Variants in KIF5C observed in about 807,000 individuals in gnomAD.
The protein encoded by KIF5C is kinesin heavy chain isoform 5C.
In KIF5C, 18 loss-of-function variants were observed where a neutral mutation model predicts 125.2. The ratio of observed to expected loss-of-function variants is 0.14; its 90% CI spans 0.10 to 0.21. The LOEUF (loss-of-function observed/expected upper bound fraction) is 0.21, where lower values mean the gene tolerates loss of function less well. Among genes scored for constraint, KIF5C ranks in the 10% least tolerant of loss-of-function variants. KIF5C has a pLI of 1.00. For synonymous variants in KIF5C, 405 were observed against 434.0 expected, an observed-to-expected ratio of 0.93 and a Z score of 0.83; for missense variants, 780 against 1,183.8, an observed-to-expected ratio of 0.66 and a Z score of 5.01.
chr2:148,943,641 G>A (rs1048707737), intron 7 of KIF5C, among the ~76,000 whole-genome samples: 2 of 152,212 alleles, frequency 1.3e-5, no homozygotes, highest in Non-Finnish European at 2.9e-5. Flanking sequence ...GGCAGATTTC[G>A]ACCCCTGTGA....
intron 17 of KIF5C, 71 bp downstream of exon 17, chr2:148,994,609 CATG>C: frequency 1.3e-6 from 2 of 1,505,128 alleles, no homozygotes; most frequent in Non-Finnish European, 1.8e-6. Flanking sequence ...TGGCTGGAAT[CATG>C]ATGTTTAGTT....
In KIF5C at chr2:148,991,064, A is replaced by C. The variant is rs573212266; in HGVS notation, c.1771A>C (p.Ile591Leu). 1.6e-5 allele frequency: 26 copies of C among 1,613,852 alleles called. No individual in the cohort carries two copies. In the South Asian group the frequency reaches 2.3e-4, roughly 14 times the overall value. ...GGAGTTTACCATGGCCCGCCTGTAC[A>C]TCAGCAAGATGAAGTCAGAGGTCAA... ...EEEFTMARLY[I>L]SKMKSEVKSL... Residue 591 changes from isoleucine to leucine, a missense_variant, in exon 16 of 26, where the codon ATC (isoleucine) becomes CTC (leucine). By Grantham distance (5) the Ile-to-Leu change is conservative (BLOSUM62 2). Transcript: ENST00000435030.
At chr2:148,925,886 C>T (rs527528797) in intron 2 of KIF5C, among the ~76,000 whole-genome samples, 1 of 152,332 alleles carries the variant, frequency 6.6e-6, no homozygotes, top group East Asian at 1.9e-4. Context: ...ATGCCCTTGC[C>T]TGGGCACAGG....
chr2:148,974,517 C>A (rs1466401224), intron 12 of KIF5C, among the ~76,000 whole-genome samples: 4 of 152,188 alleles, frequency 2.6e-5, no homozygotes, highest in African/African-American at 9.7e-5. Flanking sequence ...ATAACCAAAG[C>A]TTTATTCTGG....
intron 14 of KIF5C, among the ~76,000 whole-genome samples, chr2:148,981,952 T>TG (rs1449454983): frequency 6.6e-6 from 1 of 152,242 alleles, no homozygotes; most frequent in Non-Finnish European, 1.5e-5. Flanking sequence ...GACGATCATA[T>TG]GCTGCTTGCA....
In KIF5C at chr2:148,941,678, G is replaced by T. The variant is rs1413654597; in HGVS notation, c.445+20G>T. ...TTGATGGTAAGTAACCTCAGTGCTT[G>T]TCCTTTATTTGTTCTGTAACGAAAG... On this transcript the variant is annotated intron_variant, in intron 5 of 25. Transcript: ENST00000435030. The T allele has an allele frequency of 2.6e-6, 4 of 1,554,744 alleles. No individual in the cohort carries two copies. In the African/African-American group the frequency reaches 4.1e-5, roughly 16 times the overall value.
chr2:148,887,802 A>G (rs181673397), intron 1 of KIF5C, among the ~76,000 whole-genome samples: 1 of 151,632 alleles, frequency 6.6e-6, no homozygotes, highest in African/African-American at 2.4e-5. Flanking sequence ...TTTTCACCCT[A>G]CGCCCCCTTC....
At chr2:148,920,008 A>G (rs1199311638) in intron 1 of KIF5C, among the ~76,000 whole-genome samples, 1 of 152,240 alleles carries the variant, frequency 6.6e-6, no homozygotes, top group Non-Finnish European at 1.5e-5. Flanking sequence ...TAAATGAGGA[A>G]TAGAGATTTC....
At chr2:148,983,287 AC>A (rs1310286473) in intron 14 of KIF5C, among the ~76,000 whole-genome samples, 1 of 152,218 alleles carries the variant, frequency 6.6e-6, no homozygotes, top group Non-Finnish European at 1.5e-5. Flanking sequence ...AACAGATAGG[AC>A]TGACATAGAA....
intron 16 of KIF5C, among the ~76,000 whole-genome samples, chr2:148,993,545 A>G (rs1468742273): frequency 6.6e-6 from 1 of 152,194 alleles, no homozygotes; most frequent in African/African-American, 2.4e-5. Context: ...CTTTGTTTAC[A>G]TTCATCCTCG....
chr2:148,911,309 A>C (rs966035459), intron 1 of KIF5C, among the ~76,000 whole-genome samples: 7 of 152,304 alleles, frequency 4.6e-5, no homozygotes, highest in African/African-American at 1.4e-4. Flanking sequence ...GTGACAGAGG[A>C]AAAGAAGGGG....
intron 11 of KIF5C, among the ~76,000 whole-genome samples, 196 bp downstream of exon 11, chr2:148,962,315 A>G (rs1428089571): frequency 1.2e-4 from 18 of 149,922 alleles, no homozygotes; most frequent in Admixed American, 4.7e-4. Flanking sequence ...ACAGGCGTGC[A>G]CCACCACACC....
intron 11 of KIF5C, among the ~76,000 whole-genome samples, chr2:148,964,558 G>A (rs980832849): frequency 6.6e-6 from 1 of 152,184 alleles, no homozygotes; most frequent in African/African-American, 2.4e-5. Flanking sequence ...GGTAGTCCAC[G>A]CTGCATACCA....
intron 25 of KIF5C, among the ~76,000 whole-genome samples, chr2:149,012,728 G>T (rs957448587): frequency 5.9e-5 from 9 of 152,262 alleles, no homozygotes; most frequent in African/African-American, 1.9e-4. Flanking sequence ...GGAACAGGAG[G>T]GAAGGCGGAG....
intron 1 of KIF5C, among the ~76,000 whole-genome samples, chr2:148,919,309 T>C (rs1257279712): frequency 6.6e-6 from 1 of 151,964 alleles, no homozygotes; most frequent in East Asian, 1.9e-4. Context: ...GCCAGAGAGG[T>C]TGGAGAGAGC....
chr2:148,932,037 A>C (rs937561016), intron 3 of KIF5C, among the ~76,000 whole-genome samples: 1 of 152,002 alleles, frequency 6.6e-6, no homozygotes, highest in African/African-American at 2.4e-5. Flanking sequence ...TATAGATTGG[A>C]GAAAAGGTAG....
intron 1 of KIF5C, chr2:148,884,181 T>C (rs1214385797): frequency 6.6e-6 from 1 of 152,220 alleles, no homozygotes; most frequent in East Asian, 1.9e-4. Flanking sequence ...GTAGGCTGTC[T>C]TTTGTCAGTT....
intron 4 of KIF5C, among the ~76,000 whole-genome samples, chr2:148,941,349 A>G (rs1047438578): frequency 6.6e-6 from 1 of 152,224 alleles, no homozygotes; most frequent in Non-Finnish European, 1.5e-5. Context: ...TGTCTAGCAC[A>G]TGATGTTAAG....
In KIF5C at chr2:148,978,164, G is replaced by A. The variant is rs116671591; in HGVS notation, c.1294-758G>A. Among the ~76,000 whole-genome samples the A allele has an allele frequency of 1.9e-3, 295 of 152,208 alleles. 1 individual carries two copies. Among genetic ancestry groups the A allele is most frequent in the African/African-American group, 6.9e-3 (288 of 41,532 alleles). On this transcript the variant is annotated intron_variant, in intron 12 of 25. Transcript: ENST00000435030. Reference sequence around the variant, plus strand: ...GCCTGCTGCTTTGCCTGCACTGGGGGTGGACTGAGTCTAAGGGGAGGTGGG... The same window carrying A: ...GCCTGCTGCTTTGCCTGCACTGGGGATGGACTGAGTCTAAGGGGAGGTGGG...
Sources: allele counts gnomAD v4.1 joint callset (sites outside exome capture counted in the v4.1 genomes callset), GRCh38; gene constraint gnomAD v4.1.1; transcripts MANE v1.5; gene names NCBI Gene and HGNC (gene_info 2026-07-23, HGNC 2026-07-21).